RBFOX1: variants seen among roughly 807,000 people sequenced by gnomAD.
The protein encoded by RBFOX1 is RNA binding protein fox-1 homolog 1.
RBFOX1 carries 8 observed loss-of-function variants against 57.7 expected under a neutral mutation model. That is an observed-to-expected ratio of 0.14 (90% confidence interval 0.08 to 0.25). The LOEUF (loss-of-function observed/expected upper bound fraction) is 0.25. Ranked by LOEUF, RBFOX1 falls within the 10% of genes least tolerant of loss-of-function variation. The pLI, the probability that RBFOX1 is intolerant of heterozygous loss-of-function variation, is 1.00. For synonymous variants in RBFOX1, 326 were observed against 222.4 expected (o/e 1.47, Z -4.15); for missense variants, 611 against 548.5 (o/e 1.11, Z -1.14).
At chr16:5,908,118 A>C (rs2058510503) in intron 4 of RBFOX1, among the ~76,000 whole-genome samples, 1 of 138,936 alleles carries the variant, frequency 7.2e-6, no homozygotes, top group Non-Finnish European at 1.5e-5. Flanking sequence ...ATACACATAT[A>C]TACACATATA....
intron 3 of RBFOX1, among the ~76,000 whole-genome samples, chr16:5,764,168 C>G (rs1194358127): frequency 2.0e-5 from 3 of 152,234 alleles, no homozygotes; most frequent in Middle Eastern, 6.8e-3. Flanking sequence ...AGGATGATTG[C>G]ATTTGGGCTA....
chr16:5,932,712 C>A (rs1473407755), intron 4 of RBFOX1, among the ~76,000 whole-genome samples: 1 of 152,202 alleles, frequency 6.6e-6, no homozygotes, highest in East Asian at 1.9e-4. Flanking sequence ...TCAGGAGGCT[C>A]TGGTCTTGTT....
Position 6,294,034 on chromosome 16 carries a change from CA to C in RBFOX1, c.-126-22959del. 2.6e-5 allele frequency among the ~76,000 whole-genome samples: 4 copies of C among 152,198 alleles called. No individual in the cohort carries two copies. The Middle Eastern group carries it at 0.014, about 518-fold the overall frequency. On this transcript the variant is annotated intron_variant, in intron 1 of 15. Transcript: ENST00000550418. ...AACCAGAGATCAAAAAGTCAAATTT[CA>C]ACTAGGTGTGGTGGTATGAACCTGG... is the stretch of plus-strand genomic sequence containing the variant.
intron 1 of RBFOX1, among the ~76,000 whole-genome samples, chr16:5,456,957 A>G (rs2068649330): frequency 6.6e-6 from 1 of 152,104 alleles, no homozygotes; most frequent in Admixed American, 6.5e-5. Context: ...GGGCTGCTAT[A>G]ACAAATATGG....
intron 3 of RBFOX1, among the ~76,000 whole-genome samples, chr16:6,999,214 T>A (rs2092559987): frequency 1.2e-5 from 1 of 84,086 alleles, no homozygotes; most frequent in African/African-American, 4.4e-5. Flanking sequence ...TTATTTTTAT[T>A]TATTTTTTTT....
chr16:5,265,246 C>A (rs1271750019), intron 1 of RBFOX1, among the ~76,000 whole-genome samples: 1 of 152,188 alleles, frequency 6.6e-6, no homozygotes, highest in Non-Finnish European at 1.5e-5. Flanking sequence ...TGGACTATTT[C>A]AGTCTTTCCC....
chr16:5,386,240 C>G (rs953095031), intron 1 of RBFOX1, among the ~76,000 whole-genome samples: 2 of 151,892 alleles, frequency 1.3e-5, no homozygotes, highest in Non-Finnish European at 2.9e-5. Context: ...GAGGTTAGAA[C>G]TGGGCTTGAG....
chr16:6,079,361 G>C (rs72772860), intron 1 of RBFOX1, among the ~76,000 whole-genome samples: 1 of 152,122 alleles, frequency 6.6e-6, no homozygotes, highest in Non-Finnish European at 1.5e-5. Flanking sequence ...TGCCAGGTTG[G>C]AGTGTGGCAG....
At chr16:5,495,684 G>T (rs147996560) in intron 2 of RBFOX1, among the ~76,000 whole-genome samples, 3 of 152,198 alleles carry the variant, frequency 2.0e-5, no homozygotes, top group East Asian at 1.9e-4. Flanking sequence ...TGATATGCTC[G>T]TTAACATCGT....
intron 4 of RBFOX1, among the ~76,000 whole-genome samples, chr16:7,233,414 G>A (rs903738001): frequency 2.0e-5 from 3 of 152,122 alleles, no homozygotes; most frequent in African/African-American, 7.2e-5. Context: ...ACATTGAGTT[G>A]CTTTTCCTTG....
chr16:7,102,643 C>T (rs909654895), intron 4 of RBFOX1, among the ~76,000 whole-genome samples: 1 of 152,106 alleles, frequency 6.6e-6, no homozygotes, highest in African/African-American at 2.4e-5. Context: ...ATGCAAAATC[C>T]ATCTATTTTC....
intron 3 of RBFOX1, among the ~76,000 whole-genome samples, chr16:6,799,383 G>A (rs1054782657): frequency 6.6e-6 from 1 of 152,112 alleles, no homozygotes; most frequent in Non-Finnish European, 1.5e-5. Context: ...GGTAAAAACT[G>A]CATTGACTTT....
Position 5,827,912 on chromosome 16 carries a change from T to TCCACCCATCCACCCAC in RBFOX1, c.319-39388_319-39387insCCCATCCACCCACCCA, listed in dbSNP as rs879526216. Reference sequence around the variant, plus strand: ...ATCCATCCATCCATCCATCCATCCATCCATCCACCCATCCACCCACCCATC... The same window carrying TCCACCCATCCACCCAC: ...ATCCATCCATCCATCCATCCATCCATCCACCCATCCACCCACCCATCCACCCATCCACCCACCCATC... On this transcript the variant is annotated intron_variant, in intron 3 of 19. Coordinates refer to the RBFOX1 transcript ENST00000641259. Among the ~76,000 whole-genome samples, 203 of 130,510 alleles carry TCCACCCATCCACCCAC rather than the reference T, an allele frequency of 1.6e-3. 1 individual carries two copies. Among genetic ancestry groups the TCCACCCATCCACCCAC allele is most frequent in the African/African-American group, 7.1e-3 (182 of 25,510 alleles). 85.6% of individuals were successfully genotyped at this position (130,510 alleles called of 152,430 possible).
At chr16:7,233,093 A>T (rs1277325327) in intron 4 of RBFOX1, among the ~76,000 whole-genome samples, 1 of 151,996 alleles carries the variant, frequency 6.6e-6, no homozygotes. Context: ...AACCCATCTC[A>T]CAATGTACAT....
chr16:7,090,362 G>C (rs746442238), intron 4 of RBFOX1, among the ~76,000 whole-genome samples: 1 of 152,100 alleles, frequency 6.6e-6, no homozygotes, highest in Non-Finnish European at 1.5e-5. Context: ...AAAACTTTTT[G>C]CTGGGGGGAG....
chr16:6,338,487 A>G (rs1482927607), intron 2 of RBFOX1, among the ~76,000 whole-genome samples: 12 of 152,358 alleles, frequency 7.9e-5, no homozygotes, highest in African/African-American at 2.9e-4. Context: ...ATCTTTATTA[A>G]TAGTAGTTTG....
chr16:6,925,626 A>C (rs1200009585), intron 3 of RBFOX1, among the ~76,000 whole-genome samples: 1 of 152,028 alleles, frequency 6.6e-6, no homozygotes, highest in Non-Finnish European at 1.5e-5. Context: ...GGGCATCAGT[A>C]AATAAGATAG....
At chr16:5,307,870 A>T (rs1348781543) in intron 1 of RBFOX1, among the ~76,000 whole-genome samples, 10 of 152,058 alleles carry the variant, frequency 6.6e-5, no homozygotes, top group Admixed American at 6.5e-4. Flanking sequence ...TAAACATGAG[A>T]TCTCACCATG....
chr16:5,320,576 G>A (rs1189806183), intron 1 of RBFOX1, among the ~76,000 whole-genome samples: 1 of 152,238 alleles, frequency 6.6e-6, no homozygotes, highest in Non-Finnish European at 1.5e-5. Context: ...TCTGCTGCCT[G>A]ATCTGTGCAA....
Sources: allele counts gnomAD v4.1 joint callset (sites outside exome capture counted in the v4.1 genomes callset), GRCh38; gene constraint gnomAD v4.1.1; transcripts MANE v1.5; gene names NCBI Gene and HGNC (gene_info 2026-07-23, HGNC 2026-07-21).